Variants in NELL1 observed in about 807,000 individuals in gnomAD.
NELL1 encodes neural EGFL like 1, also known as protein kinase C-binding protein NELL1.
A neutral mutation model predicts 107.4 loss-of-function variants in NELL1; 76 were observed. The ratio of observed to expected loss-of-function variants is 0.71; its 90% CI spans 0.59 to 0.86. The LOEUF (loss-of-function observed/expected upper bound fraction) is 0.86. Among genes scored for constraint, NELL1 ranks in the 40% least tolerant of loss-of-function variants. NELL1 has a pLI of 0.00. For missense variants in NELL1, 1,024 were observed against 1,005.5 expected (o/e 1.02, Z -0.25); for synonymous variants, 353 against 341.2 (o/e 1.03, Z -0.38).
intron 14 of NELL1, among the ~76,000 whole-genome samples, chr11:21,233,921 G>A (rs1858130978): frequency 6.6e-6 from 1 of 152,186 alleles, no homozygotes; most frequent in Admixed American, 6.5e-5. Flanking sequence ...TACAGTGAGT[G>A]TGAATTCTGT....
intron 15 of NELL1, among the ~76,000 whole-genome samples, chr11:21,447,240 C>A (rs150408532): frequency 3.0e-4 from 45 of 152,256 alleles, no homozygotes; most frequent in Middle Eastern, 3.4e-3. Context: ...AATTGGGGAA[C>A]CCTAGAGCCC....
intron 4 of NELL1, among the ~76,000 whole-genome samples, chr11:20,850,492 A>T (rs1848776179): frequency 6.6e-6 from 1 of 152,178 alleles, no homozygotes; most frequent in African/African-American, 2.4e-5. Context: ...CCTCTTTTTA[A>T]GATGAGGAAA....
chr11:20,757,551 A>T (rs1856324731), intron 2 of NELL1, among the ~76,000 whole-genome samples: 1 of 151,706 alleles, frequency 6.6e-6, no homozygotes, highest in Non-Finnish European at 1.5e-5. Context: ...AAACCTTTCC[A>T]TTTTTCTTAT....
chr11:21,361,268 T>G (rs1457693417), intron 14 of NELL1, among the ~76,000 whole-genome samples: 1 of 149,138 alleles, frequency 6.7e-6, no homozygotes, highest in African/African-American at 2.5e-5. Flanking sequence ...AATTTTTTTT[T>G]TTTTTTTTTT....
rs567229179 is a variant in NELL1 at position 20,763,161 on chromosome 11, G to A, written c.185-20519G>A. On this transcript the variant is annotated intron_variant, in intron 2 of 19. Transcript: ENST00000357134. ...CCTCTCTCCTCCCTGGGGATTCGGC[G>A]TGAGGTATTTATTTACTCAGGGTTT... Among the ~76,000 whole-genome samples, 8 of 152,152 alleles carry A rather than the reference G, an allele frequency of 5.3e-5. No homozygotes were observed. The East Asian group carries it at 9.7e-4, about 18-fold the overall frequency.
intron 12 of NELL1, among the ~76,000 whole-genome samples, chr11:21,112,481 G>A (rs1855129942): frequency 6.6e-6 from 1 of 151,886 alleles, no homozygotes; most frequent in South Asian, 2.1e-4. Flanking sequence ...CTTTCATGAA[G>A]TAAATAATAG....
intron 14 of NELL1, among the ~76,000 whole-genome samples, chr11:21,326,227 G>C (rs1415195320): frequency 1.4e-5 from 2 of 143,422 alleles, no homozygotes; most frequent in African/African-American, 5.2e-5. Context: ...CCTTCTTTTT[G>C]GATGAACAGA....
At chr11:21,200,773 A>G (rs1051147057) in intron 13 of NELL1, among the ~76,000 whole-genome samples, 6 of 151,972 alleles carry the variant, frequency 3.9e-5, no homozygotes, top group Non-Finnish European at 7.4e-5. Context: ...TTAGGTCTTA[A>G]GTTTAAGTCT....
At chr11:21,152,093 A>G (rs1166223572) in intron 13 of NELL1, among the ~76,000 whole-genome samples, 2 of 152,222 alleles carry the variant, frequency 1.3e-5, no homozygotes, top group Non-Finnish European at 2.9e-5. Flanking sequence ...CTCCTGAAGG[A>G]CATGGACAAA....
At chr11:20,985,333 AC>A (rs1851831240) in intron 12 of NELL1, among the ~76,000 whole-genome samples, 1 of 152,110 alleles carries the variant, frequency 6.6e-6, no homozygotes. Flanking sequence ...ACAAACCCTA[AC>A]CCACAGTTAG....
intron 5 of NELL1, among the ~76,000 whole-genome samples, chr11:20,912,113 T>G (rs565872629): frequency 5.3e-5 from 8 of 152,340 alleles, no homozygotes; most frequent in Non-Finnish European, 7.3e-5. Flanking sequence ...AATATTATTA[T>G]GTTGCCTTTA....
rs544790339 is a variant in NELL1 at position 21,016,130 on chromosome 11, C to G, written c.1300+55570C>G. On this transcript the variant is annotated intron_variant, in intron 12 of 19. Transcript: ENST00000357134. ...TAGCAGATAACGAATATATCCGAAG[C>G]CTTACCTTTCTTCCTCTCTTGTGTG... Among the ~76,000 whole-genome samples the G allele has an allele frequency of 5.3e-5, 8 of 152,166 alleles. No individual in the cohort carries two copies. The South Asian group carries it at 1.7e-3, about 32-fold the overall frequency.
chr11:21,172,782 T>A (rs138320902), intron 13 of NELL1, among the ~76,000 whole-genome samples: 5 of 151,924 alleles, frequency 3.3e-5, no homozygotes, highest in Non-Finnish European at 7.4e-5. Context: ...CAGATGTAAC[T>A]CTTATATAAT....
At chr11:20,984,187 A>C (rs906350072) in intron 12 of NELL1, among the ~76,000 whole-genome samples, 8 of 151,982 alleles carry the variant, frequency 5.3e-5, no homozygotes, top group Admixed American at 2.6e-4. Context: ...TGTTTGTAGG[A>C]TTTCTCAATG....
chr11:21,557,979 G>A (rs902076621), intron 16 of NELL1, among the ~76,000 whole-genome samples: 15 of 151,992 alleles, frequency 9.9e-5, no homozygotes, highest in African/African-American at 2.4e-4. Flanking sequence ...AGTTAAACAC[G>A]TAACTCCTGA....
chr11:21,132,500 G>C (rs763288742), intron 13 of NELL1, among the ~76,000 whole-genome samples: 1 of 152,156 alleles, frequency 6.6e-6, no homozygotes, highest in Non-Finnish European at 1.5e-5. Context: ...TCCAGGCACT[G>C]CACACAGCCA....
chr11:20,921,796 G>GTT (rs34327396), intron 7 of NELL1, among the ~76,000 whole-genome samples: 11,139 of 137,068 alleles, frequency 0.081, 855 homozygotes, highest in East Asian at 0.34. Context: ...TTTATTGTGT[G>GTT]TGTTTTTTTT....
At chr11:21,419,288 T>A (rs946896056) in intron 15 of NELL1, among the ~76,000 whole-genome samples, 10 of 152,110 alleles carry the variant, frequency 6.6e-5, no homozygotes, top group Non-Finnish European at 1.2e-4. Context: ...TGATCTTTTA[T>A]CCTTCAAGAA....
At chr11:21,494,131 T>C (rs1275009531) in intron 15 of NELL1, among the ~76,000 whole-genome samples, 2 of 152,050 alleles carry the variant, frequency 1.3e-5, no homozygotes, top group African/African-American at 4.8e-5. Flanking sequence ...TAATTTTTAG[T>C]AGGTAGGTCT....
Sources: gnomAD v4.1 joint callset for allele counts (sites outside exome capture counted in the v4.1 genomes callset) on GRCh38, gnomAD v4.1.1 for gene constraint, MANE v1.5 for transcripts, NCBI Gene and HGNC (gene_info 2026-07-23, HGNC 2026-07-21) for gene names.